The following SAMMSON variants were observed in gnomAD, a reference collection of about 807,000 sequenced individuals.
SAMMSON encodes survival associated mitochondrial melanoma specific oncogenic non-coding RNA, also known as long intergenic non-protein coding RNA 1212.
In SAMMSON at chr3:70,311,640, G is replaced by A. The variant is rs1191250460; in HGVS notation, n.739+20397G>A. Among the ~76,000 whole-genome samples, 3 of 151,976 alleles carry A rather than the reference G, an allele frequency of 2.0e-5. No homozygotes were observed. The East Asian group carries it at 5.8e-4, about 29-fold the overall frequency. ...AGTCTGAGTAGAAAATGCATATTAA[G>A]TCTTACCAACAAAGTAATCTATGTT... On this transcript the variant is annotated intron_variant and non_coding_transcript_variant, in intron 7 of 9. Transcript: ENST00000642114.
chr3:70,038,830 G>C (rs983966200), intron 3 of SAMMSON, among the ~76,000 whole-genome samples: 1 of 152,132 alleles, frequency 6.6e-6, no homozygotes, highest in Non-Finnish European at 1.5e-5. Context: ...AGTCAGAATA[G>C]CATAATTCAT....
At chr3:70,305,461 CA>C (rs1702391536) in intron 7 of SAMMSON, among the ~76,000 whole-genome samples, 1 of 152,022 alleles carries the variant, frequency 6.6e-6, no homozygotes, top group South Asian at 2.1e-4. Context: ...AAATGAGATA[CA>C]AAAAATATCC....
chr3:70,002,652 C>T (rs996803042), intron 1 of SAMMSON, among the ~76,000 whole-genome samples: 3 of 152,106 alleles, frequency 2.0e-5, no homozygotes, highest in Non-Finnish European at 2.9e-5. Flanking sequence ...TCTTAAACTC[C>T]AAGTACTGTA....
At chr3:70,220,515 T>C (rs942052965) in intron 4 of SAMMSON, among the ~76,000 whole-genome samples, 1 of 152,142 alleles carries the variant, frequency 6.6e-6, no homozygotes, top group African/African-American at 2.4e-5. Flanking sequence ...AATTTCTAAC[T>C]GGTACAAAAT....
intron 4 of SAMMSON, among the ~76,000 whole-genome samples, chr3:70,122,541 A>G (rs71298326): frequency 1.2e-3 from 178 of 152,390 alleles, no homozygotes; most frequent in Admixed American, 2.1e-3. Context: ...TAAAGAATAT[A>G]GATATGCTTA....
At chr3:70,049,231 T>C (rs1224199462) in intron 3 of SAMMSON, among the ~76,000 whole-genome samples, 1 of 152,122 alleles carries the variant, frequency 6.6e-6, no homozygotes, top group Non-Finnish European at 1.5e-5. Flanking sequence ...GTTTGCTGCC[T>C]GTCTTAATAG....
At chr3:70,229,553 G>T (rs1406157656) in intron 4 of SAMMSON, among the ~76,000 whole-genome samples, 1 of 152,152 alleles carries the variant, frequency 6.6e-6, no homozygotes. Context: ...CTGGCTGAAG[G>T]GACATGGGCA....
chr3:70,324,199 C>CTATCT (rs1553655704), intron 7 of SAMMSON, among the ~76,000 whole-genome samples: 2 of 90,230 alleles, frequency 2.2e-5, no homozygotes, highest in Admixed American at 1.1e-4. Context: ...ATCTATCTAT[C>CTATCT]ATCTATCTAT....
intron 3 of SAMMSON, among the ~76,000 whole-genome samples, chr3:70,015,514 A>T (rs2066979944): frequency 6.6e-6 from 1 of 152,102 alleles, no homozygotes; most frequent in Non-Finnish European, 1.5e-5. Flanking sequence ...CAATGTTTAG[A>T]AATTTGCATT....
intron 4 of SAMMSON, chr3:70,125,540 A>G (rs1311303264): frequency 7.2e-6 from 5 of 696,670 alleles, no homozygotes; most frequent in Admixed American, 4.1e-5. Context: ...TCCAAATCCT[A>G]TACTGGATGC....
intron 4 of SAMMSON, among the ~76,000 whole-genome samples, chr3:70,187,561 C>T (rs911915516): frequency 3.3e-5 from 5 of 151,214 alleles, no homozygotes; most frequent in Non-Finnish European, 5.9e-5. Context: ...CCTCAGCCTC[C>T]CGTGTAGCTG....
At chr3:70,427,260 G>T (rs1406655305) in intron 2 of SAMMSON, among the ~76,000 whole-genome samples, 1 of 152,136 alleles carries the variant, frequency 6.6e-6, no homozygotes, top group African/African-American at 2.4e-5. Context: ...GGCATTCATT[G>T]TTGTAGTCAT....
chr3:70,140,764 A>G (rs1440095358), intron 4 of SAMMSON, among the ~76,000 whole-genome samples: 1 of 152,210 alleles, frequency 6.6e-6, no homozygotes, highest in Non-Finnish European at 1.5e-5. Context: ...ACACAATTCA[A>G]CCAAGTTCTC....
At chr3:70,395,348 T>TTTTTTTTG (rs545231969) in intron 2 of SAMMSON, among the ~76,000 whole-genome samples, 1 of 149,738 alleles carries the variant, frequency 6.7e-6, no homozygotes, top group African/African-American at 2.5e-5. Context: ...TTTTTTTTTT[T>TTTTTTTTG]TGTGTTGTTG....
intron 6 of SAMMSON, among the ~76,000 whole-genome samples, chr3:70,279,606 G>A (rs1465601455): frequency 6.6e-6 from 1 of 152,100 alleles, no homozygotes; most frequent in Non-Finnish European, 1.5e-5. Context: ...TGGGTTGAAG[G>A]CTCAGATTTG....
chr3:70,273,842 G>A (rs750763768), intron 6 of SAMMSON, among the ~76,000 whole-genome samples: 5 of 151,962 alleles, frequency 3.3e-5, no homozygotes, highest in Admixed American at 6.6e-5. Context: ...TCACTTTATT[G>A]CCTAGGCTGG....
chr3:70,407,909 A>T (rs1245935230), intron 2 of SAMMSON, among the ~76,000 whole-genome samples: 2 of 152,238 alleles, frequency 1.3e-5, no homozygotes, highest in Non-Finnish European at 2.9e-5. Flanking sequence ...CCCCTGCAGC[A>T]AACTTCTGCC....
chr3:70,246,451 A>G (rs756470070), intron 4 of SAMMSON, among the ~76,000 whole-genome samples: 4 of 152,070 alleles, frequency 2.6e-5, no homozygotes, highest in Non-Finnish European at 4.4e-5. Context: ...CATAGAGTGA[A>G]CTCAAAGTGG....
intron 6 of SAMMSON, among the ~76,000 whole-genome samples, chr3:70,259,919 G>A (rs1049140545): frequency 6.6e-6 from 1 of 152,124 alleles, no homozygotes; most frequent in Non-Finnish European, 1.5e-5. Context: ...GCAGGAAGGA[G>A]AAGTGCCAAG....
Sources: gnomAD v4.1 joint callset for allele counts (sites outside exome capture counted in the v4.1 genomes callset) on GRCh38, gnomAD v4.1.1 for gene constraint, MANE v1.5 for transcripts, NCBI Gene and HGNC (gene_info 2026-07-23, HGNC 2026-07-21) for gene names.